The following PCSK7 variants were observed in gnomAD, a reference collection of about 807,000 sequenced individuals.
PCSK7 encodes lymphoma proprotein convertase.
PCSK7 carries 38 observed loss-of-function variants against 73.3 expected under a neutral mutation model. The observed-to-expected ratio is 0.52, with a 90% CI of 0.40 to 0.68. The LOEUF (loss-of-function observed/expected upper bound fraction) is 0.68, where lower values mean the gene tolerates loss of function less well. Ranked by LOEUF, PCSK7 falls within the 30% of genes least tolerant of loss-of-function variation. The pLI is 0.00. For synonymous variants in PCSK7, 296 were observed against 383.8 expected (o/e 0.77, Z 2.68); for missense variants, 692 against 991.5 (o/e 0.70, Z 4.06).
At chr11:117,226,225 C>A (rs964512721) in intron 5 of PCSK7, 3 of 568,318 alleles carry the variant, frequency 5.3e-6, no homozygotes, top group Admixed American at 3.0e-5. Flanking sequence ...CAGCCTCCAC[C>A]TCCTGGGTTC....
rs1163391211 is a variant in PCSK7, at chr11:117,225,986, T to C, written c.805A>G (p.Met269Val). Reference protein sequence around the residue: ...RVLDGPLTDSMEAVAFNKHYQ... With the variant: ...RVLDGPLTDSVEAVAFNKHYQ... Reference sequence around the variant, plus strand: ...TGCTTGTTGAACGCCACTGCCTCCATGCTGTCTGTGAGAGGTCCATCCAGT... The same window carrying C: ...TGCTTGTTGAACGCCACTGCCTCCACGCTGTCTGTGAGAGGTCCATCCAGT... The change falls in exon 6 of 17, where the codon ATG becomes GTG. Residue 269 changes from methionine to valine, a missense_variant. By Grantham distance (21) the Met-to-Val change is conservative. Coordinates refer to ENST00000320934, the MANE Select transcript of PCSK7 (RefSeq NM_004716.4). 6.2e-7 allele frequency: 1 copy of C among 1,611,868 alleles called. No homozygotes were observed. The highest frequency in any genetic ancestry group is 1.3e-5 in the African/African-American group (1 of 74,864).
intron 5 of PCSK7, 152 bp from the exon 6 acceptor site, chr11:117,226,173 G>A: frequency 1.6e-6 from 1 of 608,006 alleles, no homozygotes; most frequent in Middle Eastern, 3.9e-4. Flanking sequence ...AGTCTTACTT[G>A]TCACCCAGAC....
rs552772384 is a variant in PCSK7 at position 117,229,249 on chromosome 11, A to G, written c.468+128T>C. The G allele has an allele frequency of 1.3e-5, 10 of 774,110 alleles. No homozygotes were observed. In the South Asian group the frequency reaches 1.3e-4, roughly 10 times the overall value. 48.0% of individuals were successfully genotyped at this position (774,110 alleles called of 1,614,324 possible). A position where few individuals can be genotyped will look rare whatever the true frequency, so the allele number is the denominator to read the frequency against. On this transcript the variant is annotated intron_variant, in intron 3 of 16. Transcript: ENST00000320934. ...GGGAGGGAGAGCCTAGGGAAACACC[A>G]CAGAACCGGGAAATGGTCCCTCAGG...
Position 117,206,291 on chromosome 11 carries a change from C to A in PCSK7, c.2064G>T (p.Leu688Phe). The A allele has an allele frequency of 1.9e-6, 3 of 1,614,152 alleles. No homozygotes were observed. The highest frequency in any genetic ancestry group is 1.7e-6 in the Non-Finnish European group (2 of 1,180,008). ...GATTGGAAGCCACATTCCTCTGGCT[C>A]AAATATACTTCCAGCATGTAGTAAA... The part of the protein sequence containing the change: ...WTVYYMLEVY[L>F]SQRNVASNQV... Residue 688 changes from leucine to phenylalanine, a missense_variant, in exon 17 of 17, where the codon TTG becomes TTT. Transcript: ENST00000320934.
At position 117,218,343 on chromosome 11, in the gene PCSK7, G is replaced by A. The variant is rs1187859769; in HGVS notation, c.1534+123C>T. On this transcript the variant is annotated intron_variant, in intron 12 of 16. Transcript: ENST00000320934. The surrounding 1 kb of genome is among the most constrained non-coding windows in gnomAD (Gnocchi z 4.0). Reference sequence around the variant, plus strand: ...TAAAATGGTCAAAGAAAACTCCACAGGTTTGGCTGGAGCTCAGCTCCGAAA... The same window carrying A: ...TAAAATGGTCAAAGAAAACTCCACAAGTTTGGCTGGAGCTCAGCTCCGAAA... 9.0e-6 allele frequency: 5 copies of A among 553,060 alleles called. No individual in the cohort carries two copies. Among genetic ancestry groups the A allele is most frequent in the Non-Finnish European group, 1.6e-5 (5 of 310,320 alleles). The allele number at this position is 553,060 out of a possible 1,614,324, so 34.3% of individuals were successfully genotyped here.
At position 117,224,097 on chromosome 11, in the gene PCSK7, G is replaced by A; in HGVS notation, c.1035C>T (p.Ser345=). The part of the protein sequence containing the change: ...DNCNYDGYAN[S]IYTVTIGAVD... ...GACTACCTATGGTGACGGTGTAGAT[G>A]GAGTTGGCGTAGCCATCGTAGTTGC... The change falls in exon 8 of 17, where the codon TCC becomes TCT. Residue 345 remains serine, a synonymous_variant. Coordinates refer to ENST00000320934, the MANE Select transcript of PCSK7 (RefSeq NM_004716.4). 1 of 1,588,320 alleles carries A rather than the reference G, an allele frequency of 6.3e-7. No individual in the cohort carries two copies. Among genetic ancestry groups the A allele is most frequent in the Non-Finnish European group, 8.6e-7 (1 of 1,166,622 alleles).
At chr11:117,216,205 G>A (rs1244625671) in intron 12 of PCSK7, 1 of 152,126 alleles carries the variant, frequency 6.6e-6, no homozygotes, top group Admixed American at 6.6e-5. Flanking sequence ...GCATGGACAT[G>A]GAACAGTTCC....
At chr11:117,214,218 A>G (rs935698628) in intron 12 of PCSK7, 1 of 151,862 alleles carries the variant, frequency 6.6e-6, no homozygotes, top group African/African-American at 2.4e-5. Flanking sequence ...CGGCCTCCCA[A>G]AGTGCTGTGA....
chr11:117,228,447 C>T, intron 3 of PCSK7, 97 bp from the exon 4 acceptor site: 4 of 1,079,260 alleles, frequency 3.7e-6, no homozygotes, highest in South Asian at 1.4e-5. Context: ...TTGGCCTCCA[C>T]CAAAGAGCCA....
At chr11:117,208,753 G>A (rs1281307883) in intron 13 of PCSK7, 144 bp downstream of exon 13, 1 of 686,512 alleles carries the variant, frequency 1.5e-6, no homozygotes, top group African/African-American at 1.9e-5. Context: ...CTTGAAGAAG[G>A]TATGTGACGA....
chr11:117,223,443 G>A (rs761006998), intron 8 of PCSK7, 135 bp from the exon 9 acceptor site: 24 of 653,046 alleles, frequency 3.7e-5, no homozygotes, highest in East Asian at 1.4e-4. Flanking sequence ...AGCGGCCCAC[G>A]TCCCTCAGAG....
At chr11:117,230,185 A>G (rs779924893) in intron 2 of PCSK7, 164 bp downstream of exon 2, 2 of 269,268 alleles carry the variant, frequency 7.4e-6, no homozygotes, top group Non-Finnish European at 1.4e-5. Flanking sequence ...ACAGGGCTCA[A>G]AGCACACATC....
intron 12 of PCSK7, chr11:117,215,341 A>C (rs2031914488): frequency 7.7e-6 from 1 of 130,598 alleles, no homozygotes; most frequent in African/African-American, 3.1e-5. Context: ...GACTACAGGC[A>C]CGTGCCACCA....
intron 1 of PCSK7, 148 bp downstream of exon 1, chr11:117,231,879 T>G (rs1046325002): frequency 2.6e-5 from 4 of 152,538 alleles, no homozygotes; most frequent in African/African-American, 9.6e-5. Context: ...CCAGGAATTC[T>G]GGGCCCTGGG....
At position 117,218,189 on chromosome 11, in the gene PCSK7, C is replaced by A. The variant is rs2032060698; in HGVS notation, c.1534+277G>T. 2 of 238,736 alleles carry A rather than the reference C, an allele frequency of 8.4e-6. No homozygotes were observed. The highest frequency in any genetic ancestry group is 1.2e-4 in the South Asian group (1 of 8,630). The allele number at this position is 238,736 out of a possible 1,614,324, so 14.8% of individuals were successfully genotyped here. A position where few individuals can be genotyped will look rare whatever the true frequency, so the allele number is the denominator to read the frequency against. ...CCCGGTCTCGCCTGACCTCCCCAAG[C>A]CCCAGTCCCATGCCTCCCACCCGCC... On this transcript the variant is annotated intron_variant, in intron 12 of 16. Transcript: ENST00000320934. This position sits in a 1 kb window ranked among gnomAD's most constrained non-coding sequence, Gnocchi z 4.0.
rs778056485 is a variant in PCSK7 at position 117,219,743 on chromosome 11, C to A, written c.1171G>T (p.Asp391Tyr). Residue 391 changes from aspartate to tyrosine, a missense_variant, in exon 10 of 17, where the codon GAC becomes TAC. Transcript: ENST00000320934. ...GTGCAGCCAGTGCCCTTCTGAAGGT[C>A]CCAGTCAGTGGTCACCTGGAAGTGA... ...MLRSIVTTDWDLQKGTGCTEG... is the reference protein window; with the variant it reads ...MLRSIVTTDWYLQKGTGCTEG... The A allele has an allele frequency of 1.9e-6, 3 of 1,581,918 alleles. No homozygotes were observed. Among genetic ancestry groups the A allele is most frequent in the Non-Finnish European group, 2.6e-6 (3 of 1,165,456 alleles).
rs374854460 is a variant in PCSK7, at chr11:117,204,363, G to A, written c.*1634C>T. On this transcript the variant is annotated 3_prime_UTR_variant, in exon 17 of 17. Transcript: ENST00000320934. Reference sequence around the variant, plus strand: ...ACCTCGGCAGATCATCAGTTAGAGCGGAGAGGGCTAGCCCTGAGCCCGGCC... The same window carrying A: ...ACCTCGGCAGATCATCAGTTAGAGCAGAGAGGGCTAGCCCTGAGCCCGGCC... The A allele has an allele frequency of 2.6e-5, 42 of 1,614,020 alleles. No individual in the cohort carries two copies. Among genetic ancestry groups the A allele is most frequent in the African/African-American group, 8.0e-5 (6 of 74,856 alleles).
chr11:117,213,058 GGA>G (rs1005683244), intron 12 of PCSK7: 1 of 152,268 alleles, frequency 6.6e-6, no homozygotes, highest in African/African-American at 2.4e-5. Flanking sequence ...CTTAGTGGCA[GGA>G]GACATCTCTC....
At chr11:117,227,384 T>C in intron 4 of PCSK7, 62 bp from the exon 5 acceptor site, 1 of 1,257,152 alleles carries the variant, frequency 8.0e-7, no homozygotes, top group Non-Finnish European at 1.2e-6. Flanking sequence ...GGTCCTGGGG[T>C]TCAGGGACAG....
Sources: allele counts gnomAD v4.1 joint callset, GRCh38; gene constraint gnomAD v4.1.1; non-coding constraint Gnocchi (gnomAD v3.1); transcripts MANE v1.5; gene names NCBI Gene and HGNC (gene_info 2026-07-23, HGNC 2026-07-21).